GPC5: variants seen among roughly 807,000 people sequenced by gnomAD.
GPC5 encodes glypican 5.
GPC5 carries 47 observed loss-of-function variants against 53.9 expected under a neutral mutation model. That is an observed-to-expected ratio of 0.87 (90% CI 0.69 to 1.11). The LOEUF (loss-of-function observed/expected upper bound fraction) is 1.11, where lower values mean the gene tolerates loss of function less well. Among genes scored for constraint, GPC5 ranks in the 50% most tolerant of loss-of-function variants. The pLI is 0.00. For missense variants in GPC5, 748 were observed against 713.1 expected (o/e 1.05, Z -0.56); for synonymous variants, 286 against 263.3 (o/e 1.09, Z -0.84).
At chr13:91,585,795 C>T (rs952390112) in intron 2 of GPC5, among the ~76,000 whole-genome samples, 1 of 152,142 alleles carries the variant, frequency 6.6e-6, no homozygotes, top group Non-Finnish European at 1.5e-5. Context: ...GTATTAACTT[C>T]TGTCTACGTC....
At chr13:92,141,884 G>A (rs560657579) in intron 6 of GPC5, among the ~76,000 whole-genome samples, 2 of 152,228 alleles carry the variant, frequency 1.3e-5, no homozygotes, top group East Asian at 1.9e-4. Context: ...TCAGCTCCAA[G>A]AGGCCACTAG....
At chr13:92,074,374 TC>T (rs1425658211) in intron 6 of GPC5, among the ~76,000 whole-genome samples, 1 of 152,200 alleles carries the variant, frequency 6.6e-6, no homozygotes, top group African/African-American at 2.4e-5. Flanking sequence ...CCATTTGACT[TC>T]TCTGCTCTTT....
intron 7 of GPC5, among the ~76,000 whole-genome samples, chr13:92,547,329 A>G (rs1334624804): frequency 6.6e-6 from 1 of 152,246 alleles, no homozygotes; most frequent in Non-Finnish European, 1.5e-5. Flanking sequence ...AGAAAAAATT[A>G]ACTGCAAAGA....
chr13:91,815,270 C>G (rs1164188250), intron 5 of GPC5, among the ~76,000 whole-genome samples: 1 of 151,992 alleles, frequency 6.6e-6, no homozygotes, highest in East Asian at 1.9e-4. Flanking sequence ...CTTGTAGTCC[C>G]AGCTACTCAG....
chr13:91,621,932 G>T (rs2139369539), intron 2 of GPC5, among the ~76,000 whole-genome samples: 1 of 152,020 alleles, frequency 6.6e-6, no homozygotes, highest in Non-Finnish European at 1.5e-5. Flanking sequence ...CCTTCAGTCT[G>T]TGGCCGAAGG....
chr13:91,863,487 C>G (rs1241466291), intron 5 of GPC5, among the ~76,000 whole-genome samples: 1 of 152,172 alleles, frequency 6.6e-6, no homozygotes, highest in Non-Finnish European at 1.5e-5. Context: ...ATGTTGAACA[C>G]TAACATTTGT....
At chr13:92,507,149 A>G (rs1303020488) in intron 7 of GPC5, among the ~76,000 whole-genome samples, 1 of 152,164 alleles carries the variant, frequency 6.6e-6, no homozygotes, top group Non-Finnish European at 1.5e-5. Flanking sequence ...TTCCATTGGT[A>G]AATCTGTCCT....
intron 5 of GPC5, among the ~76,000 whole-genome samples, chr13:91,814,704 C>T (rs749639268): frequency 1.3e-5 from 2 of 152,014 alleles, no homozygotes; most frequent in African/African-American, 4.8e-5. Context: ...CCATGCCTGG[C>T]TAATTTTTAT....
chr13:92,723,897 G>GA (rs1365553705), intron 7 of GPC5, among the ~76,000 whole-genome samples: 2 of 151,532 alleles, frequency 1.3e-5, no homozygotes, highest in Non-Finnish European at 3.0e-5. Flanking sequence ...GAGTACTTTG[G>GA]AAAAAATCTA....
At chr13:92,277,499 T>C (rs949114712) in intron 7 of GPC5, among the ~76,000 whole-genome samples, 3 of 152,104 alleles carry the variant, frequency 2.0e-5, no homozygotes, top group Non-Finnish European at 4.4e-5. Context: ...ACATCACTTA[T>C]TATTTTACCC....
At chr13:91,516,825 C>T (rs1488415402) in intron 2 of GPC5, among the ~76,000 whole-genome samples, 1 of 152,192 alleles carries the variant, frequency 6.6e-6, no homozygotes, top group Non-Finnish European at 1.5e-5. Context: ...GGTTCCCAAA[C>T]CTAAGTTCTT....
chr13:92,325,196 A>G (rs1429609682), intron 7 of GPC5, among the ~76,000 whole-genome samples: 1 of 151,920 alleles, frequency 6.6e-6, no homozygotes, highest in Non-Finnish European at 1.5e-5. Flanking sequence ...GATTAGTAAG[A>G]GTCTCCGTAT....
chr13:91,437,681 A>G (rs932841190), intron 1 of GPC5, among the ~76,000 whole-genome samples: 2 of 152,028 alleles, frequency 1.3e-5, no homozygotes, highest in African/African-American at 2.4e-5. Flanking sequence ...CGTTCTCTGT[A>G]TTTCCTGAAT....
At chr13:91,992,646 T>C (rs569996311) in intron 6 of GPC5, among the ~76,000 whole-genome samples, 8 of 151,748 alleles carry the variant, frequency 5.3e-5, no homozygotes, top group African/African-American at 1.9e-4. Context: ...TTAGTAGAGA[T>C]GGAGATTCAC....
At chr13:91,805,507 G>A (rs1218239929) in intron 5 of GPC5, among the ~76,000 whole-genome samples, 2 of 152,194 alleles carry the variant, frequency 1.3e-5, no homozygotes, top group Non-Finnish European at 2.9e-5. Context: ...CAGTAAGCAT[G>A]TATCTCGCAA....
At chr13:91,884,665 C>A (rs2039303508) in intron 5 of GPC5, among the ~76,000 whole-genome samples, 1 of 152,166 alleles carries the variant, frequency 6.6e-6, no homozygotes, top group African/African-American at 2.4e-5. Flanking sequence ...TGAAAGGAAT[C>A]AATGGCAGAA....
At chr13:91,782,950 A>G (rs1208946481) in intron 5 of GPC5, among the ~76,000 whole-genome samples, 1 of 152,178 alleles carries the variant, frequency 6.6e-6, no homozygotes, top group African/African-American at 2.4e-5. Flanking sequence ...AGAAAAATAA[A>G]AGTTTTTTTC....
intron 6 of GPC5, among the ~76,000 whole-genome samples, chr13:92,034,795 G>A (rs375660427): frequency 5.9e-5 from 9 of 152,124 alleles, no homozygotes; most frequent in East Asian, 5.8e-4. Context: ...TTAAGAAAGC[G>A]TAACATTATG....
At chr13:92,151,285 A>T (rs543963305) in intron 7 of GPC5, among the ~76,000 whole-genome samples, 74 of 152,098 alleles carry the variant, frequency 4.9e-4, no homozygotes, top group Admixed American at 9.8e-4. Context: ...CTCTGCTTAC[A>T]AAGTAGAGTA....
Sources: allele counts gnomAD v4.1 joint callset (sites outside exome capture counted in the v4.1 genomes callset), GRCh38; gene constraint gnomAD v4.1.1; transcripts MANE v1.5; gene names NCBI Gene and HGNC (gene_info 2026-07-23, HGNC 2026-07-21).